Variants in SCAPER observed in about 807,000 individuals in gnomAD.
The protein encoded by SCAPER is S-phase cyclin A associated protein in the ER.
In SCAPER, 98 loss-of-function variants were observed where a neutral mutation model predicts 182.2. The ratio of observed to expected loss-of-function variants is 0.54; its 90% confidence interval spans 0.46 to 0.64. The LOEUF (loss-of-function observed/expected upper bound fraction) is 0.64. Ranked by LOEUF, SCAPER falls within the 30% of genes least tolerant of loss-of-function variation. SCAPER has a pLI of 0.00. For missense variants in SCAPER, 1,432 were observed against 1,690.0 expected (o/e 0.85, Z 2.68); for synonymous variants, 605 against 564.6 (o/e 1.07, Z -1.01).
chr15:76,651,109 G>A (rs899505317), intron 21 of SCAPER, among the ~76,000 whole-genome samples: 2 of 151,256 alleles, frequency 1.3e-5, no homozygotes, highest in South Asian at 4.2e-4. Context: ...GAAATCAGGG[G>A]AAAAGAAAAT....
At chr15:76,443,438 TCA>T (rs2047761244) in intron 25 of SCAPER, among the ~76,000 whole-genome samples, 1 of 152,154 alleles carries the variant, frequency 6.6e-6, no homozygotes, top group Non-Finnish European at 1.5e-5. Context: ...AATTGTGAAA[TCA>T]CTGGTGTTTT....
At chr15:76,607,122 T>C (rs2050495316) in intron 22 of SCAPER, among the ~76,000 whole-genome samples, 1 of 152,230 alleles carries the variant, frequency 6.6e-6, no homozygotes, top group Non-Finnish European at 1.5e-5. Flanking sequence ...TGATGGTCTT[T>C]ACAATTTGGC....
chr15:76,619,437 T>C (rs1443539262), intron 22 of SCAPER, among the ~76,000 whole-genome samples: 1 of 152,224 alleles, frequency 6.6e-6, no homozygotes, highest in Non-Finnish European at 1.5e-5. Flanking sequence ...TTCATTTGGG[T>C]ATATTCCTAA....
chr15:76,471,144 A>C lies in SCAPER; in HGVS notation c.3078+68T>G, dbSNP rs181582393. 7.8e-5 allele frequency: 93 copies of C among 1,197,876 alleles called. No homozygotes were observed. In the East Asian group the frequency reaches 2.5e-3, roughly 32 times the overall value. 74.2% of individuals were successfully genotyped at this position (1,197,876 alleles called of 1,614,324 possible). ...GAGAGTAACTAAGTTGAATTCTTTT[A>C]GTTTTCTCCACAGGGACTATTTCTC... On this transcript the variant is annotated intron_variant, in intron 25 of 31. Coordinates refer to ENST00000563290, the MANE Select transcript of SCAPER (RefSeq NM_020843.4).
chr15:76,684,672 A>G (rs1189472867), intron 20 of SCAPER, among the ~76,000 whole-genome samples: 1 of 151,974 alleles, frequency 6.6e-6, no homozygotes, highest in Non-Finnish European at 1.5e-5. Flanking sequence ...TGTTTAAAAC[A>G]GTATAAAAAT....
chr15:76,412,556 C>A (rs751609022), intron 26 of SCAPER, among the ~76,000 whole-genome samples: 1 of 151,856 alleles, frequency 6.6e-6, no homozygotes. Flanking sequence ...ATAATTGGAC[C>A]GTATTTGTGT....
At chr15:76,450,183 T>C (rs1358772835) in intron 25 of SCAPER, among the ~76,000 whole-genome samples, 1 of 152,238 alleles carries the variant, frequency 6.6e-6, no homozygotes, top group Non-Finnish European at 1.5e-5. Flanking sequence ...TGATGTCTAC[T>C]ATAGCATATT....
intron 24 of SCAPER, among the ~76,000 whole-genome samples, chr15:76,492,184 A>ATGATTTCT (rs1357076068): frequency 1.3e-5 from 2 of 152,180 alleles, no homozygotes; most frequent in Non-Finnish European, 2.9e-5. Flanking sequence ...TCCTCTCCCC[A>ATGATTTCT]AAGTGAAGAA....
At chr15:76,438,981 A>G (rs2047383284) in intron 25 of SCAPER, among the ~76,000 whole-genome samples, 1 of 152,116 alleles carries the variant, frequency 6.6e-6, no homozygotes, top group Admixed American at 6.5e-5. Context: ...GGTTTAAGTT[A>G]TTTTACAGGA....
chr15:76,767,133 G>C, intron 10 of SCAPER, 45 bp from the exon 11 acceptor site: 1 of 1,458,654 alleles, frequency 6.9e-7, no homozygotes, highest in East Asian at 2.5e-5. Context: ...ATGATCACTT[G>C]ACTGGAAAGT....
intron 23 of SCAPER, among the ~76,000 whole-genome samples, chr15:76,524,043 C>G (rs1218929711): frequency 6.6e-6 from 1 of 152,072 alleles, no homozygotes; most frequent in East Asian, 1.9e-4. Flanking sequence ...CAGCTTAACA[C>G]AAATCTTCCT....
intron 22 of SCAPER, among the ~76,000 whole-genome samples, chr15:76,586,334 A>C (rs1267184419): frequency 6.6e-6 from 1 of 152,200 alleles, no homozygotes; most frequent in East Asian, 1.9e-4. Flanking sequence ...TGGAAGGTAC[A>C]TGGTCTAAAT....
intron 21 of SCAPER, among the ~76,000 whole-genome samples, chr15:76,652,309 TACAC>T (rs1327915758): frequency 5.7e-4 from 8 of 14,154 alleles, no homozygotes; most frequent in South Asian, 5.9e-3. Context: ...TATATATATA[TACAC>T]ACACACACAC....
chr15:76,636,418 T>C (rs1280715481), intron 21 of SCAPER, among the ~76,000 whole-genome samples: 3 of 151,942 alleles, frequency 2.0e-5, no homozygotes, highest in Admixed American at 2.0e-4. Context: ...TGTTCTCCCT[T>C]TCCCTGGGAA....
intron 5 of SCAPER, among the ~76,000 whole-genome samples, chr15:76,824,201 C>T (rs2067804406): frequency 6.6e-6 from 1 of 152,190 alleles, no homozygotes; most frequent in African/African-American, 2.4e-5. Context: ...TGAAACAGAA[C>T]AAAAGTGGCT....
intron 23 of SCAPER, among the ~76,000 whole-genome samples, chr15:76,569,785 T>A (rs8032219): frequency 0.036 from 5,469 of 152,204 alleles, 297 homozygotes; most frequent in African/African-American, 0.12. Context: ...TTCCAGTGCT[T>A]GCTTTATTCT....
chr15:76,551,608 G>A (rs907272625), intron 23 of SCAPER, among the ~76,000 whole-genome samples: 5 of 152,132 alleles, frequency 3.3e-5, no homozygotes, highest in African/African-American at 9.7e-5. Flanking sequence ...ATTACAGTTA[G>A]ATACGAGGAA....
At chr15:76,676,817 G>T (rs1429129626) in intron 20 of SCAPER, among the ~76,000 whole-genome samples, 1 of 151,168 alleles carries the variant, frequency 6.6e-6, no homozygotes, top group African/African-American at 2.4e-5. Flanking sequence ...AAAATAATTA[G>T]ATCAAAATGT....
At chr15:76,890,138 T>A (rs1048742623) in intron 1 of SCAPER, among the ~76,000 whole-genome samples, 1 of 152,188 alleles carries the variant, frequency 6.6e-6, no homozygotes, top group East Asian at 1.9e-4. Context: ...AGACACAATG[T>A]ACCAGAATCT....
Sources: allele counts gnomAD v4.1 joint callset (sites outside exome capture counted in the v4.1 genomes callset), GRCh38; gene constraint gnomAD v4.1.1; transcripts MANE v1.5; gene names NCBI Gene and HGNC (gene_info 2026-07-23, HGNC 2026-07-21).